Variants in PRNP observed in about 807,000 individuals in gnomAD.
PRNP encodes major prion protein.
A neutral mutation model predicts 21.3 loss-of-function variants in PRNP; 15 were observed. The ratio of observed to expected loss-of-function variants is 0.71; its 90% CI spans 0.47 to 1.09. The LOEUF (loss-of-function observed/expected upper bound fraction) is 1.09, where lower values mean the gene tolerates loss of function less well. PRNP is among the 50% of genes least tolerant of loss of function. The pLI is 0.00. For missense variants in PRNP, 285 were observed against 340.9 expected (o/e 0.84, Z 1.29); for synonymous variants, 121 against 123.1 (o/e 0.98, Z 0.11).
rs375270297 is a variant in PRNP at position 4,696,734 on chromosome 20, A to T, written c.-10-2477A>T. Among the ~76,000 whole-genome samples, 3 of 152,220 alleles carry T rather than the reference A, an allele frequency of 2.0e-5. No individual in the cohort carries two copies. In the East Asian group the frequency reaches 5.8e-4, roughly 29 times the overall value. On this transcript the variant is annotated intron_variant, in intron 1 of 1. Coordinates refer to ENST00000379440, the MANE Select transcript of PRNP (RefSeq NM_000311.5). ...TATTGACCATTACCATATACTTAAT[A>T]GGATATCTTGAAATATGCCAGAGGA...
In PRNP at chr20:4,699,980, T is replaced by G. The variant is rs369520445; in HGVS notation, c.760T>G (p.Ter254GlyextTer16). The G allele has an allele frequency of 6.2e-7, 1 of 1,607,698 alleles. No homozygotes were observed. The highest frequency in any genetic ancestry group is 1.3e-5 in the African/African-American group (1 of 74,760). Residue 254 changes from the stop codon to glycine (G), a stop_lost, in exon 2 of 2, where the codon TGA becomes GGA. Transcript: ENST00000379440. The surrounding 1 kb of genome is among the most constrained non-coding windows in gnomAD (Gnocchi z 5.8). The stretch of plus-strand genomic sequence containing the variant: ...TTTCCTCATCTTCCTGATAGTGGGA[T>G]GAGGAAGGTCTTCCTGTTTTCACCA... ...ISFLIFLIVG[*>G]
chr20:4,693,862 T>G (rs1755792010), intron 1 of PRNP, among the ~76,000 whole-genome samples: 1 of 150,494 alleles, frequency 6.6e-6, no homozygotes, highest in African/African-American at 2.5e-5. Context: ...TTTGGGAGGC[T>G]GAGGCCTGCA....
In PRNP at chr20:4,690,943, A is replaced by G. The variant is rs193022466; in HGVS notation, c.-11+4431A>G. 2.2e-3 allele frequency among the ~76,000 whole-genome samples: 330 copies of G among 152,356 alleles called. 1 individual carries two copies. The highest frequency in any genetic ancestry group is 7.3e-3 in the African/African-American group (303 of 41,588). On this transcript the variant is annotated intron_variant, in intron 1 of 1. Coordinates refer to ENST00000379440, the MANE Select transcript of PRNP (RefSeq NM_000311.5). ...ACCCTAAAGACTCCACCAGAAAACCATTAGAACTAATAAATTCAGTAAAGT... is the reference window on the plus strand; with the variant it reads ...ACCCTAAAGACTCCACCAGAAAACCGTTAGAACTAATAAATTCAGTAAAGT...
In PRNP at chr20:4,686,958, C is replaced by G. The variant is rs966840806; in HGVS notation, c.-11+446C>G. On this transcript the variant is annotated intron_variant, in intron 1 of 1. Coordinates refer to ENST00000379440, the MANE Select transcript of PRNP (RefSeq NM_000311.5). This position sits in a 1 kb window ranked among gnomAD's most constrained non-coding sequence, Gnocchi z 6.7. ...GCCTGGGGGCCGCGGGGCTCGCGCT[C>G]CCCGCCCGTTGGCCGCCCCTCGGAG... is the stretch of plus-strand genomic sequence containing the variant. Among the ~76,000 whole-genome samples, 2 of 151,556 alleles carry G rather than the reference C, an allele frequency of 1.3e-5. No homozygotes were observed. Among genetic ancestry groups the G allele is most frequent in the Non-Finnish European group, 2.9e-5 (2 of 67,806 alleles).
intron 1 of PRNP, among the ~76,000 whole-genome samples, chr20:4,688,915 A>G (rs1395852068): frequency 1.3e-5 from 2 of 152,234 alleles, no homozygotes; most frequent in Non-Finnish European, 2.9e-5. Flanking sequence ...CACAGGTTTT[A>G]ATTTTTTAGA....
At chr20:4,691,693 T>C (rs1921836107) in intron 1 of PRNP, among the ~76,000 whole-genome samples, 1 of 152,236 alleles carries the variant, frequency 6.6e-6, no homozygotes, top group Non-Finnish European at 1.5e-5. Flanking sequence ...TTTGCACCTA[T>C]GTTCATCAGG....
intron 1 of PRNP, among the ~76,000 whole-genome samples, chr20:4,690,988 A>T (rs1230897541): frequency 6.6e-6 from 1 of 152,260 alleles, no homozygotes; most frequent in Non-Finnish European, 1.5e-5. Context: ...CAAAATTAAC[A>T]TACAAAAATC....
intron 1 of PRNP, among the ~76,000 whole-genome samples, chr20:4,694,509 A>T (rs6037932): frequency 0.29 from 43,672 of 152,074 alleles, 6,573 homozygotes; most frequent in Admixed American, 0.37. Context: ...TAATTTATTA[A>T]CCTTTTAAAG....
intron 1 of PRNP, among the ~76,000 whole-genome samples, chr20:4,692,424 T>TA (rs929557296): frequency 3.6e-4 from 55 of 152,162 alleles, no homozygotes; most frequent in African/African-American, 1.3e-3. Context: ...ATTTTCCAGG[T>TA]AAAAAAATTA....
chr20:4,698,223 A>G (rs1451209893), intron 1 of PRNP, among the ~76,000 whole-genome samples: 1 of 152,194 alleles, frequency 6.6e-6, no homozygotes, highest in East Asian at 1.9e-4. Flanking sequence ...CTCTGCTTGT[A>G]ACTTTCAAAT....
rs1222814139 is a variant in PRNP, at chr20:4,700,029, G to A, written c.*47G>A. On this transcript the variant is annotated 3_prime_UTR_variant, in exon 2 of 2. Transcript: ENST00000379440. This position sits in a 1 kb window ranked among gnomAD's most constrained non-coding sequence, Gnocchi z 4.1. ...CATCTTTCTAATCTTTTTCCAGCTTGAGGGAGGCGGTATCCACCTGCAGCC... is the reference window on the plus strand; with the variant it reads ...CATCTTTCTAATCTTTTTCCAGCTTAAGGGAGGCGGTATCCACCTGCAGCC... The A allele has an allele frequency of 1.9e-6, 3 of 1,559,778 alleles. No individual in the cohort carries two copies. The highest frequency in any genetic ancestry group is 2.4e-5 in the East Asian group (1 of 41,344).
intron 1 of PRNP, among the ~76,000 whole-genome samples, chr20:4,689,626 A>G (rs1921693961): frequency 6.6e-6 from 1 of 152,132 alleles, no homozygotes; most frequent in South Asian, 2.1e-4. Context: ...CCCTTTTCAG[A>G]TCTTATTTCT....
Position 4,697,044 on chromosome 20 carries a change from C to T in PRNP, c.-10-2167C>T, listed in dbSNP as rs1322641624. Among the ~76,000 whole-genome samples the T allele has an allele frequency of 1.3e-5, 2 of 152,232 alleles. No individual in the cohort carries two copies. Among genetic ancestry groups the T allele is most frequent in the African/African-American group, 4.8e-5 (2 of 41,454 alleles). ...AGTCTCCTCTTCCTCCCATCTTACC[C>T]ATTTCAGGTAATATCTCCAGCCAGC... On this transcript the variant is annotated intron_variant, in intron 1 of 1. Transcript: ENST00000379440. This position sits in a 1 kb window ranked among gnomAD's most constrained non-coding sequence, Gnocchi z 4.6.
chr20:4,699,995 T>A lies in PRNP; in HGVS notation c.*13T>A. ...GATAGTGGGATGAGGAAGGTCTTCC[T>A]GTTTTCACCATCTTTCTAATCTTTT... On this transcript the variant is annotated 3_prime_UTR_variant, in exon 2 of 2. Transcript: ENST00000379440. This position sits in a 1 kb window ranked among gnomAD's most constrained non-coding sequence, Gnocchi z 5.8. 6.3e-7 allele frequency: 1 copy of A among 1,595,928 alleles called. No individual in the cohort carries two copies. The highest frequency in any genetic ancestry group is 1.1e-5 in the South Asian group (1 of 88,444).
chr20:4,692,068 G>A (rs62199363), intron 1 of PRNP, among the ~76,000 whole-genome samples: 1 of 152,142 alleles, frequency 6.6e-6, no homozygotes, highest in African/African-American at 2.4e-5. Context: ...CAAACAGGGG[G>A]TTATAAAATT....
chr20:4,699,730 C>A lies in PRNP; in HGVS notation c.510C>A (p.Ser170Arg), dbSNP rs1922452876. The change falls in exon 2 of 2, where the codon AGC (serine) becomes AGA (arginine). Residue 170 changes from serine (S) to arginine (R), a missense_variant. Ser to Arg is a moderately radical substitution (Grantham distance 110, BLOSUM62 -1). Coordinates refer to ENST00000379440, the MANE Select transcript of PRNP (RefSeq NM_000311.5). The surrounding 1 kb of genome is among the most constrained non-coding windows in gnomAD (Gnocchi z 5.8). ...ACTACAGGCCCATGGATGAGTACAG[C>A]AACCAGAACAACTTTGTGCACGACT... Reference protein sequence around the residue: ...QVYYRPMDEYSNQNNFVHDCV... With the variant: ...QVYYRPMDEYRNQNNFVHDCV... 1.2e-6 allele frequency: 2 copies of A among 1,613,934 alleles called. No individual in the cohort carries two copies. Among genetic ancestry groups the A allele is most frequent in the Non-Finnish European group, 8.5e-7 (1 of 1,180,016 alleles).
intron 1 of PRNP, among the ~76,000 whole-genome samples, chr20:4,692,540 T>A (rs775256300): frequency 1.3e-5 from 2 of 152,206 alleles, no homozygotes; most frequent in African/African-American, 2.4e-5. Flanking sequence ...TATCTTGGGC[T>A]TTGTGTTTGT....
chr20:4,696,289 AT>A lies in PRNP; in HGVS notation c.-10-2915del, dbSNP rs375649774. On this transcript the variant is annotated intron_variant, in intron 1 of 1. Coordinates refer to ENST00000379440, the MANE Select transcript of PRNP (RefSeq NM_000311.5). ...CATCAAGACCATGGAATGCCTCTCC[AT>A]TTTTTTCAGACCATCTTCTGTGTTC... Among the ~76,000 whole-genome samples, 29 of 152,052 alleles carry A rather than the reference AT, an allele frequency of 1.9e-4. No individual in the cohort carries two copies. The East Asian group carries it at 5.0e-3, about 26-fold the overall frequency.
chr20:4,695,334 G>A (rs6052772), intron 1 of PRNP, among the ~76,000 whole-genome samples: 35,835 of 151,798 alleles, frequency 0.24, 4,396 homozygotes, highest in Admixed American at 0.29. Flanking sequence ...CTCTGCATGC[G>A]TCCATGTGTT....
Sources: allele counts gnomAD v4.1 joint callset (sites outside exome capture counted in the v4.1 genomes callset), GRCh38; gene constraint gnomAD v4.1.1; non-coding constraint Gnocchi (gnomAD v3.1); transcripts MANE v1.5; gene names NCBI Gene and HGNC (gene_info 2026-07-23, HGNC 2026-07-21).